ANKS1B: variants seen among roughly 807,000 people sequenced by gnomAD.
ANKS1B encodes the protein ankyrin repeat and sterile alpha motif domain containing 1B.
A neutral mutation model predicts 148.3 loss-of-function variants in ANKS1B; 36 were observed. The observed-to-expected ratio is 0.24, with a 90% CI of 0.19 to 0.32. ANKS1B has a LOEUF of 0.32. ANKS1B is among the 10% of genes least tolerant of loss of function. The probability of loss-of-function intolerance (pLI) is 1.00; values close to 1 mark genes in which losing one functional copy is unlikely to be tolerated. For synonymous variants in ANKS1B, 542 were observed against 560.8 expected (o/e 0.97, Z 0.47); for missense variants, 1,157 against 1,542.6 (o/e 0.75, Z 4.19).
chr12:99,684,240 C>T (rs1193880837), intron 8 of ANKS1B, among the ~76,000 whole-genome samples: 4 of 151,694 alleles, frequency 2.6e-5, no homozygotes, highest in Admixed American at 1.3e-4. Flanking sequence ...GCTCCTAGAA[C>T]TGAAAAAATG....
intron 2 of ANKS1B, among the ~76,000 whole-genome samples, chr12:99,819,618 A>T (rs1334682699): frequency 6.6e-6 from 1 of 151,872 alleles, no homozygotes; most frequent in Admixed American, 6.6e-5. Flanking sequence ...CGATCTGCTG[A>T]TATTTTTCAA....
At chr12:98,815,791 A>G (rs929418303) in intron 19 of ANKS1B, among the ~76,000 whole-genome samples, 3 of 152,110 alleles carry the variant, frequency 2.0e-5, no homozygotes, top group Admixed American at 6.5e-5. Context: ...TCCTGTCACT[A>G]CTTGCTCCAA....
chr12:99,365,477 T>G (rs994899414), intron 12 of ANKS1B, among the ~76,000 whole-genome samples: 16 of 152,070 alleles, frequency 1.1e-4, no homozygotes, highest in African/African-American at 3.9e-4. Flanking sequence ...CTCAGAAGGG[T>G]GTGAGCCCCA....
chr12:99,653,502 T>A (rs1478011900), intron 9 of ANKS1B, among the ~76,000 whole-genome samples: 1 of 152,134 alleles, frequency 6.6e-6, no homozygotes, highest in African/African-American at 2.4e-5. Context: ...CATGTAGATA[T>A]GAGGTAAAAA....
chr12:99,308,730 G>T (rs2082694991), intron 12 of ANKS1B, among the ~76,000 whole-genome samples: 2 of 151,698 alleles, frequency 1.3e-5, no homozygotes, highest in Non-Finnish European at 2.9e-5. Flanking sequence ...ATTAAGTCAA[G>T]CCATTTTGGA....
At chr12:99,186,202 T>C (rs1490885798) in intron 14 of ANKS1B, among the ~76,000 whole-genome samples, 1 of 152,168 alleles carries the variant, frequency 6.6e-6, no homozygotes, top group Non-Finnish European at 1.5e-5. Context: ...TCCTCCTCTC[T>C]GGCAGGGCAT....
intron 8 of ANKS1B, among the ~76,000 whole-genome samples, chr12:99,715,241 C>T (rs956700671): frequency 1.3e-5 from 2 of 152,194 alleles, no homozygotes; most frequent in Non-Finnish European, 2.9e-5. Context: ...CGTACACATC[C>T]AGATGGCCAG....
intron 1 of ANKS1B, among the ~76,000 whole-genome samples, chr12:99,973,260 A>G (rs566761681): frequency 6.6e-6 from 1 of 152,224 alleles, no homozygotes; most frequent in Non-Finnish European, 1.5e-5. Context: ...TAGCTGCCAT[A>G]CCTAGTGGTA....
chr12:98,931,831 C>G (rs1229563979), intron 17 of ANKS1B: 3 of 152,112 alleles, frequency 2.0e-5, no homozygotes, highest in Non-Finnish European at 4.4e-5. Flanking sequence ...AACCAAAACT[C>G]TATTTTTTAA....
At chr12:99,639,289 T>C (rs2098277034) in intron 9 of ANKS1B, among the ~76,000 whole-genome samples, 1 of 152,226 alleles carries the variant, frequency 6.6e-6, no homozygotes, top group South Asian at 2.1e-4. Flanking sequence ...CCAGTATCTG[T>C]ATCCCCATTG....
intron 17 of ANKS1B, among the ~76,000 whole-genome samples, chr12:98,913,729 G>A (rs2099789983): frequency 6.6e-6 from 1 of 152,284 alleles, no homozygotes; most frequent in African/African-American, 2.4e-5. Flanking sequence ...CTGGGTTAAA[G>A]TGATTCTCCT....
chr12:99,751,177 T>C (rs922192651), intron 8 of ANKS1B, among the ~76,000 whole-genome samples: 3 of 152,104 alleles, frequency 2.0e-5, no homozygotes, highest in African/African-American at 7.2e-5. Flanking sequence ...TTAATTAACA[T>C]AATTAAACTT....
At chr12:99,448,650 T>A (rs1286965466) in intron 10 of ANKS1B, among the ~76,000 whole-genome samples, 1 of 152,152 alleles carries the variant, frequency 6.6e-6, no homozygotes, top group Admixed American at 6.6e-5. Context: ...AATGTATACA[T>A]GTTTTAAAAC....
intron 10 of ANKS1B, among the ~76,000 whole-genome samples, chr12:99,484,065 T>C (rs2096454056): frequency 6.6e-6 from 1 of 152,082 alleles, no homozygotes; most frequent in South Asian, 2.1e-4. Flanking sequence ...CTTGTTTCTC[T>C]AGTCCCTTGA....
At chr12:99,797,121 T>C (rs2066341966) in intron 4 of ANKS1B, among the ~76,000 whole-genome samples, 1 of 151,978 alleles carries the variant, frequency 6.6e-6, no homozygotes, top group Admixed American at 6.6e-5. Flanking sequence ...AGAATGTAAA[T>C]ATGTCAAACC....
chr12:98,930,963 T>C (rs2099813179), intron 17 of ANKS1B, among the ~76,000 whole-genome samples: 1 of 152,088 alleles, frequency 6.6e-6, no homozygotes, highest in African/African-American at 2.4e-5. Flanking sequence ...CTTTTTTTTT[T>C]CTCCCCTATT....
chr12:99,829,147 A>G (rs1422599133), intron 1 of ANKS1B, among the ~76,000 whole-genome samples: 1 of 152,204 alleles, frequency 6.6e-6, no homozygotes, highest in East Asian at 1.9e-4. Context: ...CACAGAAAAC[A>G]GGAGAATGAA....
At chr12:99,385,310 A>T (rs2093815620) in intron 12 of ANKS1B, among the ~76,000 whole-genome samples, 1 of 152,106 alleles carries the variant, frequency 6.6e-6, no homozygotes, top group Non-Finnish European at 1.5e-5. Flanking sequence ...CTCTACTAAA[A>T]ATACAAAAAT....
chr12:99,165,141 C>A (rs1473965182), intron 14 of ANKS1B, among the ~76,000 whole-genome samples: 2 of 151,852 alleles, frequency 1.3e-5, no homozygotes, highest in Admixed American at 1.3e-4. Context: ...GAAATACTCA[C>A]CACTATACTA....
Sources: gnomAD v4.1 joint callset for allele counts (sites outside exome capture counted in the v4.1 genomes callset) on GRCh38, gnomAD v4.1.1 for gene constraint, MANE v1.5 for transcripts, NCBI Gene and HGNC (gene_info 2026-07-23, HGNC 2026-07-21) for gene names.